Variants in CLDN10 observed in about 807,000 individuals in gnomAD.
The protein encoded by CLDN10 is claudin-10.
Under a neutral mutation model 22.9 loss-of-function variants are expected in CLDN10, and 15 were observed. The ratio of observed to expected loss-of-function variants is 0.65; its 90% CI spans 0.44 to 1.01. The LOEUF (loss-of-function observed/expected upper bound fraction) is 1.01. CLDN10 is among the 50% of genes least tolerant of loss of function. CLDN10 has a pLI of 0.00. For missense variants in CLDN10, 247 were observed against 287.8 expected (o/e 0.86, Z 1.03); for synonymous variants, 114 against 111.4 (o/e 1.02, Z -0.15).
At chr13:95,481,826 C>T (rs2042749956) in intron 1 of CLDN10, among the ~76,000 whole-genome samples, 1 of 152,078 alleles carries the variant, frequency 6.6e-6, no homozygotes, top group Admixed American at 6.6e-5. Context: ...TGGAGACCAG[C>T]CTGAGCAACA....
At chr13:95,517,951 A>G (rs961094532) in intron 1 of CLDN10, among the ~76,000 whole-genome samples, 6 of 148,884 alleles carry the variant, frequency 4.0e-5, no homozygotes, top group South Asian at 4.3e-4. Flanking sequence ...AAAAAAAAAA[A>G]AAAGAGAGAT....
At chr13:95,537,641 A>G (rs1404485246) in intron 1 of CLDN10, among the ~76,000 whole-genome samples, 1 of 152,216 alleles carries the variant, frequency 6.6e-6, no homozygotes. Context: ...CTTGAAATAT[A>G]TAAATTAGGG....
chr13:95,524,596 T>G (rs2043259530), intron 1 of CLDN10, among the ~76,000 whole-genome samples: 1 of 152,220 alleles, frequency 6.6e-6, no homozygotes, highest in Non-Finnish European at 1.5e-5. Context: ...TGGGCTATTG[T>G]GAATAATACT....
intron 1 of CLDN10, among the ~76,000 whole-genome samples, chr13:95,533,357 C>CTA (rs2043366685): frequency 6.6e-6 from 1 of 151,912 alleles, no homozygotes; most frequent in African/African-American, 2.4e-5. Context: ...TTCAACATTG[C>CTA]TATATATTTT....
intron 1 of CLDN10, among the ~76,000 whole-genome samples, chr13:95,486,861 C>T (rs1019668911): frequency 1.3e-5 from 2 of 152,178 alleles, no homozygotes; most frequent in African/African-American, 4.8e-5. Flanking sequence ...CAGTGTTCAA[C>T]ATGGTGCCTG....
At chr13:95,447,348 G>C (rs182173206) in intron 1 of CLDN10, among the ~76,000 whole-genome samples, 1 of 152,154 alleles carries the variant, frequency 6.6e-6, no homozygotes, top group Admixed American at 6.5e-5. Flanking sequence ...CTTCCTTGAC[G>C]CGGCGCCTGG....
rs374886214 is a variant in CLDN10 at position 95,556,068 on chromosome 13, C to G, written c.220+3095C>G. Among the ~76,000 whole-genome samples, 5 of 151,122 alleles carry G rather than the reference C, an allele frequency of 3.3e-5. No individual in the cohort carries two copies. In the East Asian group the frequency reaches 5.8e-4, roughly 18 times the overall value. On this transcript the variant is annotated intron_variant, in intron 1 of 4. Coordinates refer to ENST00000299339, the MANE Select transcript of CLDN10 (RefSeq NM_006984.5). ...ATTTCTTTTCTTTTTTTTTTTGAGA[C>G]AAAGTTTCACTCTGTCCCCCAGGAC... is the stretch of plus-strand genomic sequence containing the variant.
At chr13:95,566,514 G>C (rs1218882963) in intron 3 of CLDN10, among the ~76,000 whole-genome samples, 2 of 151,390 alleles carry the variant, frequency 1.3e-5, no homozygotes, top group Admixed American at 6.6e-5. Context: ...GTAGATTCTG[G>C]ATATTAGCCC....
intron 1 of CLDN10, among the ~76,000 whole-genome samples, chr13:95,542,010 G>C (rs1374502253): frequency 6.6e-6 from 1 of 152,202 alleles, no homozygotes; most frequent in Non-Finnish European, 1.5e-5. Context: ...CTTGGCTTCT[G>C]GGGAGGCCTC....
At chr13:95,493,363 A>G (rs1380626024) in intron 1 of CLDN10, among the ~76,000 whole-genome samples, 1 of 152,014 alleles carries the variant, frequency 6.6e-6, no homozygotes, top group Non-Finnish European at 1.5e-5. Context: ...GTTCAGTGGT[A>G]TTAAAGACAT....
intron 3 of CLDN10, among the ~76,000 whole-genome samples, chr13:95,573,935 T>G (rs1451956172): frequency 6.6e-6 from 1 of 151,320 alleles, no homozygotes; most frequent in Non-Finnish European, 1.5e-5. Flanking sequence ...GTGATCTCAT[T>G]GTTTAATTCC....
intron 1 of CLDN10, among the ~76,000 whole-genome samples, chr13:95,554,562 G>C (rs918920964): frequency 6.6e-6 from 1 of 152,204 alleles, no homozygotes; most frequent in Non-Finnish European, 1.5e-5. Flanking sequence ...TTAGCTGGGA[G>C]GAGAACAGAG....
intron 1 of CLDN10, among the ~76,000 whole-genome samples, chr13:95,472,471 C>A (rs2042642796): frequency 6.6e-6 from 1 of 151,936 alleles, no homozygotes; most frequent in Admixed American, 6.6e-5. Flanking sequence ...CACTTGAGGT[C>A]AGGAGTTTGA....
At chr13:95,509,708 C>A (rs2043075519) in intron 1 of CLDN10, among the ~76,000 whole-genome samples, 1 of 152,206 alleles carries the variant, frequency 6.6e-6, no homozygotes, top group Non-Finnish European at 1.5e-5. Context: ...CCAGTCCCCT[C>A]TGGACTCATC....
chr13:95,549,488 T>C (rs191817336), upstream of CLDN10, among the ~76,000 whole-genome samples: 250 of 152,358 alleles, frequency 1.6e-3, 1 homozygote, highest in South Asian at 0.015. Context: ...ACATTCTTTT[T>C]TTAGATTATA....
chr13:95,500,577 GA>G (rs1369714992), intron 1 of CLDN10, among the ~76,000 whole-genome samples: 1 of 152,158 alleles, frequency 6.6e-6, no homozygotes, highest in Admixed American at 6.5e-5. Context: ...ATGTGTGGAG[GA>G]AGGTAAGGGA....
intron 1 of CLDN10, among the ~76,000 whole-genome samples, chr13:95,511,174 T>A (rs1185622971): frequency 6.6e-6 from 1 of 152,174 alleles, no homozygotes; most frequent in African/African-American, 2.4e-5. Flanking sequence ...GGTCCAATTT[T>A]TTCATACATC....
chr13:95,482,452 A>G (rs2042759669), intron 1 of CLDN10, among the ~76,000 whole-genome samples: 1 of 152,154 alleles, frequency 6.6e-6, no homozygotes, highest in Non-Finnish European at 1.5e-5. Flanking sequence ...GAAAGGGTCT[A>G]GAGCCTCACT....
chr13:95,453,137 T>C (rs2042448308), intron 1 of CLDN10, among the ~76,000 whole-genome samples: 1 of 152,236 alleles, frequency 6.6e-6, no homozygotes, highest in Non-Finnish European at 1.5e-5. Flanking sequence ...TACCAACCTA[T>C]GGGAACAAAT....
Sources: allele counts gnomAD v4.1 joint callset (sites outside exome capture counted in the v4.1 genomes callset), GRCh38; gene constraint gnomAD v4.1.1; transcripts MANE v1.5; gene names NCBI Gene and HGNC (gene_info 2026-07-23, HGNC 2026-07-21).